GFM2: variants seen among roughly 807,000 people sequenced by gnomAD.
The protein encoded by GFM2 is ribosome-releasing factor 2, mitochondrial.
In GFM2, 72 loss-of-function variants were observed where a neutral mutation model predicts 95.4. That is an observed-to-expected ratio of 0.76 (90% CI 0.62 to 0.92). GFM2 has a LOEUF of 0.92. Ranked by LOEUF, GFM2 falls within the 40% of genes least tolerant of loss-of-function variation. The pLI is 0.00. For synonymous variants in GFM2, 276 were observed against 317.5 expected (o/e 0.87, Z 1.39); for missense variants, 825 against 924.1 (o/e 0.89, Z 1.39).
intron 5 of GFM2, among the ~76,000 whole-genome samples, chr5:74,754,575 C>T (rs1166744014): frequency 6.6e-6 from 1 of 151,390 alleles, no homozygotes; most frequent in African/African-American, 2.4e-5. Context: ...TTATATCAGA[C>T]AAAACAATCT....
chr5:74,752,533 C>T (rs1170887276), intron 5 of GFM2, among the ~76,000 whole-genome samples: 1 of 152,028 alleles, frequency 6.6e-6, no homozygotes, highest in African/African-American at 2.4e-5. Flanking sequence ...TCAGTTATTC[C>T]CAACATCACT....
chr5:74,733,215 G>T, intron 15 of GFM2, 117 bp from the exon 16 acceptor site: 1 of 687,252 alleles, frequency 1.5e-6, no homozygotes, highest in Non-Finnish European at 2.5e-6. Flanking sequence ...TTTCGACCAG[G>T]TGTGGTGACT....
chr5:74,721,613 G>GT lies in GFM2; in HGVS notation c.*41dup, dbSNP rs759699903. On this transcript the variant is annotated 3_prime_UTR_variant, in exon 21 of 21. Coordinates refer to ENST00000296805, the MANE Select transcript of GFM2 (RefSeq NM_032380.5). Reference sequence around the variant, plus strand: ...AAAAATTGTTCTTACTGAAAATGAAGTAGCTAGGTGCTCCTGAATTTCTCT... The same window carrying GT: ...AAAAATTGTTCTTACTGAAAATGAAGTTAGCTAGGTGCTCCTGAATTTCTCT... 3 of 1,590,346 alleles carry GT rather than the reference G, an allele frequency of 1.9e-6. No homozygotes were observed. The highest frequency in any genetic ancestry group is 2.6e-6 in the Non-Finnish European group (3 of 1,169,510).
At chr5:74,742,430 T>C (rs1179590213) in intron 10 of GFM2, among the ~76,000 whole-genome samples, 2 of 152,162 alleles carry the variant, frequency 1.3e-5, no homozygotes, top group East Asian at 3.9e-4. Flanking sequence ...TTATTTCACC[T>C]CTCTGCCTTA....
chr5:74,745,462 TATA>T (rs1743332999), intron 10 of GFM2, among the ~76,000 whole-genome samples: 1 of 152,202 alleles, frequency 6.6e-6, no homozygotes, highest in Non-Finnish European at 1.5e-5. Context: ...TATTAGGTAT[TATA>T]AGTAATTTAG....
At chr5:74,725,558 T>G (rs1201077546) in intron 19 of GFM2, 82 bp downstream of exon 19, 5 of 890,600 alleles carry the variant, frequency 5.6e-6, no homozygotes, top group Non-Finnish European at 9.1e-6. Context: ...TAAGGCTCTG[T>G]AAACACAGCT....
rs74544717 is a variant in GFM2 at position 74,744,393 on chromosome 5, GA to G, written c.849+1284del. The stretch of plus-strand genomic sequence containing the variant: ...AAAAAACTATGTACAAAAGATAAGT[GA>G]AAAAAAAATGAATGCTGAATAAATT... On this transcript the variant is annotated intron_variant, in intron 10 of 20. Transcript: ENST00000296805. Among the ~76,000 whole-genome samples, 986 of 148,178 alleles carry G rather than the reference GA, an allele frequency of 6.7e-3. 12 individuals carry two copies. Among genetic ancestry groups the G allele is most frequent in the African/African-American group, 0.023 (943 of 40,326 alleles).
intron 19 of GFM2, 97 bp from the exon 20 acceptor site, chr5:74,722,658 ACTCT>A (rs760997924): frequency 5.1e-5 from 48 of 936,106 alleles, no homozygotes; most frequent in Non-Finnish European, 7.4e-5. Context: ...GCTTGCTTTA[ACTCT>A]CTCTTTAAAG....
chr5:74,742,853 G>C (rs1743180564), intron 10 of GFM2, among the ~76,000 whole-genome samples: 1 of 151,950 alleles, frequency 6.6e-6, no homozygotes, highest in African/African-American at 2.4e-5. Context: ...ATTTTTAGTA[G>C]AGACAGGGTT....
At chr5:74,727,822 A>G (rs1239018623) in intron 17 of GFM2, among the ~76,000 whole-genome samples, 4 of 152,218 alleles carry the variant, frequency 2.6e-5, no homozygotes, top group African/African-American at 9.6e-5. Context: ...ACATGTATAC[A>G]TCGTGGAATG....
Position 74,721,291 on chromosome 5 carries a change from T to G in GFM2, c.*364A>C, listed in dbSNP as rs761862224. 2 of 887,210 alleles carry G rather than the reference T, an allele frequency of 2.3e-6. No individual in the cohort carries two copies. The highest frequency in any genetic ancestry group is 2.3e-4 in the Middle Eastern group (1 of 4,340). The allele number at this position is 887,210 out of a possible 1,614,324, so 55.0% of individuals were successfully genotyped here. A position where few individuals can be genotyped will look rare whatever the true frequency, so the allele number is the denominator to read the frequency against. On this transcript the variant is annotated 3_prime_UTR_variant, in exon 21 of 21. Coordinates refer to ENST00000296805, the MANE Select transcript of GFM2 (RefSeq NM_032380.5). ...ATAAAATATTTTTATTGATTGAACC[T>G]TTGACCCTCTATCTTATTACATTTA...
At chr5:74,766,351 C>T (rs1744605162) in intron 1 of GFM2, among the ~76,000 whole-genome samples, 1 of 152,214 alleles carries the variant, frequency 6.6e-6, no homozygotes, top group Non-Finnish European at 1.5e-5. Flanking sequence ...GCCTCAAATA[C>T]AAGCACTAAG....
intron 5 of GFM2, 70 bp downstream of exon 5, chr5:74,758,779 G>T: frequency 1.0e-6 from 1 of 977,094 alleles, no homozygotes; most frequent in Non-Finnish European, 1.6e-6. Flanking sequence ...AAGTTGACTT[G>T]TTAACCAAAA....
In GFM2 at chr5:74,721,689, T is replaced by A. The variant is rs746116873; in HGVS notation, c.2306A>T (p.Asn769Ile). Residue 769 changes from asparagine (N) to isoleucine (I), a missense_variant, in exon 21 of 21, where the codon AAT (asparagine) becomes ATT (isoleucine). By Grantham distance (149) the Asn-to-Ile change is moderately radical. Transcript: ENST00000296805. ...ACCACTTCTCCGGTTGAGCAGTGTATTTTGATCTTGAGGATTCATGGCTTG... is the reference window on the plus strand; with the variant it reads ...ACCACTTCTCCGGTTGAGCAGTGTAATTTGATCTTGAGGATTCATGGCTTG... ...TYQAMNPQDQ[N>I]TLLNRRSGLT 8 of 1,613,746 alleles carry A rather than the reference T, an allele frequency of 5.0e-6. No homozygotes were observed. Among genetic ancestry groups the A allele is most frequent in the Non-Finnish European group, 6.8e-6 (8 of 1,179,894 alleles).
intron 20 of GFM2, among the ~76,000 whole-genome samples, chr5:74,722,088 A>AACTG (rs1291404662): frequency 6.6e-6 from 1 of 152,210 alleles, no homozygotes; most frequent in African/African-American, 2.4e-5. Flanking sequence ...CTTGCCTTAA[A>AACTG]ACTGACAATG....
In GFM2 at chr5:74,733,068, C is replaced by T. The variant is rs755301816; in HGVS notation, c.1541G>A (p.Arg514His). 13 of 1,612,468 alleles carry T rather than the reference C, an allele frequency of 8.1e-6. No homozygotes were observed. The Admixed American group carries it at 1.0e-4, about 12-fold the overall frequency. ...CCTCACTTTCAAACTGGGATCTTCA[C>T]GCTGAAGACATTTCAACGCATGTTC... ...DLEHALKCLQ[R>H]EDPSLKVRLD... Residue 514 changes from arginine (R) to histidine (H), a missense_variant, in exon 16 of 21, where the codon CGT becomes CAT. Physicochemically the swap from Arg to His is conservative, Grantham distance 29. Coordinates refer to ENST00000296805, the MANE Select transcript of GFM2 (RefSeq NM_032380.5).
chr5:74,731,940 TTTTTA>T (rs1040861744), intron 16 of GFM2, among the ~76,000 whole-genome samples: 44 of 151,144 alleles, frequency 2.9e-4, no homozygotes, highest in African/African-American at 1.0e-3. Context: ...GTAGTGCCAG[TTTTTA>T]TTTTATTTAT....
In GFM2 at chr5:74,760,883, A is replaced by T; in HGVS notation, c.148+19T>A. The T allele has an allele frequency of 6.8e-7, 1 of 1,473,964 alleles. No homozygotes were observed. The highest frequency in any genetic ancestry group is 9.4e-7 in the Non-Finnish European group (1 of 1,065,180). 91.3% of individuals were successfully genotyped at this position (1,473,964 alleles called of 1,614,324 possible). A position where few individuals can be genotyped will look rare whatever the true frequency, so the allele number is the denominator to read the frequency against. On this transcript the variant is annotated intron_variant, in intron 3 of 20. Coordinates refer to ENST00000296805, the MANE Select transcript of GFM2 (RefSeq NM_032380.5). ...AAGCAAACAGCTTAGATAAAATTAG[A>T]AGACTCTAACATTTGTACCTGGTAG...
At chr5:74,754,397 T>C (rs1743873010) in intron 5 of GFM2, among the ~76,000 whole-genome samples, 1 of 151,144 alleles carries the variant, frequency 6.6e-6, no homozygotes, top group South Asian at 2.1e-4. Flanking sequence ...ATGACCTAAA[T>C]GTTCCACTTA....
Sources: gnomAD v4.1 joint callset for allele counts (sites outside exome capture counted in the v4.1 genomes callset) on GRCh38, gnomAD v4.1.1 for gene constraint, MANE v1.5 for transcripts, NCBI Gene and HGNC (gene_info 2026-07-23, HGNC 2026-07-21) for gene names.